The following SIK2 variants were observed in gnomAD, a reference collection of about 807,000 sequenced individuals.
SIK2 encodes serine/threonine-protein kinase SIK2.
Under a neutral mutation model 103.2 loss-of-function variants are expected in SIK2, and 29 were observed. That is an observed-to-expected ratio of 0.28 (90% CI 0.21 to 0.38). The LOEUF is 0.38. Ranked by LOEUF, SIK2 falls within the 10% of genes least tolerant of loss-of-function variation. The pLI is 1.00. For missense variants in SIK2, 879 were observed against 1,171.0 expected, an observed-to-expected ratio of 0.75 and a Z score of 3.64; for synonymous variants, 412 against 446.1, an observed-to-expected ratio of 0.92 and a Z score of 0.96.
intron 8 of SIK2, among the ~76,000 whole-genome samples, chr11:111,707,084 C>T (rs1360017126): frequency 2.0e-5 from 3 of 151,808 alleles, no homozygotes; most frequent in African/African-American, 2.4e-5. Flanking sequence ...AATGGTATTG[C>T]TTTCAAGACC....
At chr11:111,631,755 A>C (rs501089) in intron 3 of SIK2, among the ~76,000 whole-genome samples, 92,042 of 152,044 alleles carry the variant, frequency 0.61, 31,128 homozygotes, top group East Asian at 0.96. Flanking sequence ...TGCCCTGCTA[A>C]TTCCAGGAAG....
chr11:111,620,254 A>G (rs1169471320), intron 2 of SIK2, 85 bp from the exon 3 acceptor site: 3 of 827,540 alleles, frequency 3.6e-6, no homozygotes, highest in Non-Finnish European at 6.0e-6. Flanking sequence ...TTTTATTAGT[A>G]GTTTCAATTT....
At chr11:111,702,972 T>C in intron 6 of SIK2, among the ~76,000 whole-genome samples, 1 of 152,108 alleles carries the variant, frequency 6.6e-6, no homozygotes, top group East Asian at 1.9e-4. Context: ...AAGTTTCCTT[T>C]AGCCCAGAAT....
intron 3 of SIK2, among the ~76,000 whole-genome samples, chr11:111,623,992 C>T (rs934303983): frequency 6.6e-6 from 1 of 152,206 alleles, no homozygotes; most frequent in Non-Finnish European, 1.5e-5. Context: ...TCACCTGTTG[C>T]TCAGGGTTCA....
chr11:111,607,259 CTG>C (rs1352574309), intron 1 of SIK2, among the ~76,000 whole-genome samples: 6 of 152,096 alleles, frequency 3.9e-5, no homozygotes, highest in African/African-American at 9.7e-5. Flanking sequence ...ATTTTGAAAA[CTG>C]TATTTGTTTG....
At chr11:111,667,980 TTATTC>T (rs1458175024) in intron 3 of SIK2, among the ~76,000 whole-genome samples, 47 of 152,328 alleles carry the variant, frequency 3.1e-4, no homozygotes, top group South Asian at 1.0e-3. Context: ...TTTTTTTTCT[TTATTC>T]TATTCAGCAA....
chr11:111,709,061 A>G (rs1367067545), intron 8 of SIK2, among the ~76,000 whole-genome samples: 1 of 152,222 alleles, frequency 6.6e-6, no homozygotes, highest in Non-Finnish European at 1.5e-5. Context: ...CCGTAACGAA[A>G]TACCACAGAC....
chr11:111,664,563 C>T (rs896512315), intron 3 of SIK2, among the ~76,000 whole-genome samples: 1 of 152,178 alleles, frequency 6.6e-6, no homozygotes, highest in African/African-American at 2.4e-5. Flanking sequence ...TTGCAGTGAG[C>T]CAAGATCGCG....
At chr11:111,613,078 G>T (rs994785059) in intron 1 of SIK2, among the ~76,000 whole-genome samples, 3 of 151,590 alleles carry the variant, frequency 2.0e-5, no homozygotes, top group Non-Finnish European at 2.9e-5. Flanking sequence ...AATTTAATTA[G>T]ATAACATTTT....
At chr11:111,685,777 G>C (rs1942836629) in intron 3 of SIK2, among the ~76,000 whole-genome samples, 1 of 152,128 alleles carries the variant, frequency 6.6e-6, no homozygotes, top group Non-Finnish European at 1.5e-5. Context: ...TTGAATCCAG[G>C]AGGTTGAGGT....
chr11:111,630,462 A>G (rs1005790762), intron 3 of SIK2, among the ~76,000 whole-genome samples: 2 of 152,150 alleles, frequency 1.3e-5, no homozygotes, highest in South Asian at 2.1e-4. Flanking sequence ...ATCTTATTGT[A>G]TATAAATCAT....
chr11:111,723,839 C>G lies in SIK2; in HGVS notation c.2491C>G (p.Pro831Ala), dbSNP rs1275726504. Reference sequence around the variant, plus strand: ...GCCGCCACCGCCACCACCCCCTCCACCACCACGACAGCCAGGAGCTGCCCC... The same window carrying G: ...GCCGCCACCGCCACCACCCCCTCCAGCACCACGACAGCCAGGAGCTGCCCC... ...QQPPPPPPPP[P>A]PRQPGAAPAP... The change falls in exon 15 of 15, where the codon CCA becomes GCA. Residue 831 changes from proline (P) to alanine (A), a missense_variant. This residue lies in a region of SIK2 where 375 missense variants were observed against 416.3 expected (regional missense o/e 0.90). Coordinates refer to ENST00000304987, the MANE Select transcript of SIK2 (RefSeq NM_015191.3). 1 of 1,613,660 alleles carries G rather than the reference C, an allele frequency of 6.2e-7. No homozygotes were observed. Among genetic ancestry groups the G allele is most frequent in the East Asian group, 2.2e-5 (1 of 44,872 alleles).
chr11:111,641,676 T>C lies in SIK2; in HGVS notation c.316+21274T>C, dbSNP rs190216173. ...CTTATCAGTCTTTCCTGTGCACAGA[T>C]TTTCACTTTATTTCTTAAAAATCTT... is the stretch of plus-strand genomic sequence containing the variant. On this transcript the variant is annotated intron_variant, in intron 3 of 14. Transcript: ENST00000304987. Among the ~76,000 whole-genome samples the C allele has an allele frequency of 9.0e-4, 137 of 152,296 alleles. 1 individual carries two copies. The highest frequency in any genetic ancestry group is 3.2e-3 in the African/African-American group (132 of 41,556).
chr11:111,685,547 C>T (rs949762094), intron 3 of SIK2, among the ~76,000 whole-genome samples: 5 of 152,006 alleles, frequency 3.3e-5, no homozygotes, highest in South Asian at 2.1e-4. Context: ...ATTAGAGTTT[C>T]GAAAGGATGG....
At chr11:111,610,405 ACTTT>A (rs1359781738) in intron 1 of SIK2, among the ~76,000 whole-genome samples, 1 of 151,506 alleles carries the variant, frequency 6.6e-6, no homozygotes, top group East Asian at 1.9e-4. Flanking sequence ...CAGGAGAATC[ACTTT>A]GAACCCTGGA....
At chr11:111,664,211 G>A (rs1591606404) in intron 3 of SIK2, among the ~76,000 whole-genome samples, 2 of 152,160 alleles carry the variant, frequency 1.3e-5, no homozygotes, top group African/African-American at 4.8e-5. Context: ...AACAATTTTT[G>A]GAAGACTTTC....
chr11:111,689,771 TCTGTG>T (rs1458974572), intron 4 of SIK2, among the ~76,000 whole-genome samples: 2 of 152,212 alleles, frequency 1.3e-5, no homozygotes, highest in African/African-American at 4.8e-5. Flanking sequence ...CTGATTTGTT[TCTGTG>T]CCATTTCCCA....
chr11:111,657,717 A>G (rs11213969), intron 3 of SIK2, among the ~76,000 whole-genome samples: 89,396 of 152,110 alleles, frequency 0.59, 30,377 homozygotes, highest in East Asian at 0.96. Context: ...TTTTATTTCT[A>G]CAAGGATGGA....
intron 8 of SIK2, among the ~76,000 whole-genome samples, chr11:111,708,135 G>A (rs529779591): frequency 1.2e-4 from 18 of 152,220 alleles, no homozygotes; most frequent in East Asian, 3.9e-4. Context: ...TAATCCCGGC[G>A]CTTTGGGAGG....
Sources: gnomAD v4.1 joint callset for allele counts (sites outside exome capture counted in the v4.1 genomes callset) on GRCh38, gnomAD v4.1.1 for gene constraint, gnomAD v4.1.1 regional missense constraint, MANE v1.5 for transcripts, NCBI Gene and HGNC (gene_info 2026-07-23, HGNC 2026-07-21) for gene names.